LGSN: variants seen among roughly 807,000 people sequenced by gnomAD.
The protein encoded by LGSN is lengsin, lens protein with glutamine synthetase domain, also known as lengsin.
In LGSN, 21 loss-of-function variants were observed where a neutral mutation model predicts 19.5. The ratio of observed to expected loss-of-function variants is 1.07; its 90% CI spans 0.76 to 1.55. LGSN has a LOEUF of 1.55. Ranked by LOEUF, LGSN falls within the 40% of genes most tolerant of loss-of-function variation. LGSN has a pLI of 0.00. For missense variants in LGSN, 673 were observed against 608.5 expected, an observed-to-expected ratio of 1.11 and a Z score of -1.12; for synonymous variants, 257 against 215.6, an observed-to-expected ratio of 1.19 and a Z score of -1.68.
chr6:63,530,537 G>A, the LGSN span, among the ~76,000 whole-genome samples: 16 of 152,236 alleles, frequency 1.1e-4, no homozygotes, highest in African/African-American at 2.4e-4. Flanking sequence ...AGTGGACGCC[G>A]TTCACATAGG....
chr6:63,436,541 C>T, the LGSN span, among the ~76,000 whole-genome samples: 121 of 152,304 alleles, frequency 7.9e-4, no homozygotes, highest in Non-Finnish European at 1.1e-3. Flanking sequence ...ACCCTCCACC[C>T]CCAGCTTTGC....
chr6:63,288,368 C>T (rs952427929), intron 2 of LGSN, among the ~76,000 whole-genome samples: 1 of 151,588 alleles, frequency 6.6e-6, no homozygotes, highest in African/African-American at 2.4e-5. Flanking sequence ...GAGCCCTACC[C>T]TCATAGAACT....
At chr6:63,328,557 C>A in the LGSN span, among the ~76,000 whole-genome samples, 1 of 152,210 alleles carries the variant, frequency 6.6e-6, no homozygotes, top group Non-Finnish European at 1.5e-5. Context: ...ATGGCCACTG[C>A]TGCAACTACC....
At chr6:63,315,230 A>C (rs780569456) in intron 1 of LGSN, among the ~76,000 whole-genome samples, 83 of 152,196 alleles carry the variant, frequency 5.5e-4, no homozygotes, top group Admixed American at 2.2e-3. Flanking sequence ...GCCAGAAAGG[A>C]CATTTGACTC....
At chr6:63,516,542 C>A in the LGSN span, among the ~76,000 whole-genome samples, 1 of 152,186 alleles carries the variant, frequency 6.6e-6, no homozygotes, top group Admixed American at 6.5e-5. Context: ...CATTTAACTT[C>A]TTATGACTCA....
chr6:63,284,383 T>G (rs1245569451), intron 3 of LGSN, among the ~76,000 whole-genome samples: 1 of 152,176 alleles, frequency 6.6e-6, no homozygotes, highest in Non-Finnish European at 1.5e-5. Context: ...TCAGTAGCAG[T>G]TGGATAAAAA....
chr6:63,298,619 A>C (rs951579321), intron 1 of LGSN, among the ~76,000 whole-genome samples: 2 of 152,232 alleles, frequency 1.3e-5, no homozygotes, highest in African/African-American at 4.8e-5. Flanking sequence ...ATTTCTGATG[A>C]ACTGAGTGCT....
chr6:63,509,437 G>A, the LGSN span, among the ~76,000 whole-genome samples: 2 of 152,080 alleles, frequency 1.3e-5, no homozygotes, highest in South Asian at 2.1e-4. Context: ...CAATGAAATC[G>A]AGGATACAAA....
chr6:63,500,465 A>G, the LGSN span, among the ~76,000 whole-genome samples: 39 of 152,120 alleles, frequency 2.6e-4, 1 homozygote, highest in Admixed American at 2.4e-3. Flanking sequence ...CTTGTTGCCC[A>G]GGCTGGAGTG....
chr6:63,473,417 T>A, the LGSN span, among the ~76,000 whole-genome samples: 1 of 134,514 alleles, frequency 7.4e-6, no homozygotes, highest in South Asian at 2.3e-4. Context: ...GAGGTTGCAG[T>A]GAGCCGAGAT....
Position 63,305,787 on chromosome 6 carries a change from GGGGT to G in LGSN, c.31-10746_31-10743del, listed in dbSNP as rs1307417521. 2.6e-5 allele frequency among the ~76,000 whole-genome samples: 4 copies of G among 152,150 alleles called. No homozygotes were observed. The East Asian group carries it at 7.7e-4, about 29-fold the overall frequency. On this transcript the variant is annotated intron_variant, in intron 1 of 3. Transcript: ENST00000370657. ...TCTTTTAAATAATATCCAGCCAGGTGGGGTGGCTCACGCCTGTAATCCCAGAACT... is the reference window on the plus strand; with the variant it reads ...TCTTTTAAATAATATCCAGCCAGGTGGGCTCACGCCTGTAATCCCAGAACT...
the LGSN span, among the ~76,000 whole-genome samples, chr6:63,334,722 A>G: frequency 6.6e-6 from 1 of 152,250 alleles, no homozygotes; most frequent in Non-Finnish European, 1.5e-5. Context: ...TTACAAGTGT[A>G]TAGTAACCAA....
the LGSN span, among the ~76,000 whole-genome samples, chr6:63,566,145 A>G: frequency 6.6e-6 from 1 of 152,250 alleles, no homozygotes; most frequent in South Asian, 2.1e-4. Context: ...TAAAAGCAGC[A>G]GCAGGAGAAT....
At chr6:63,318,455 C>G (rs778805820) in intron 1 of LGSN, among the ~76,000 whole-genome samples, 1 of 152,128 alleles carries the variant, frequency 6.6e-6, no homozygotes, top group Non-Finnish European at 1.5e-5. Context: ...CCTGAGAATG[C>G]GAACCTATAC....
chr6:63,325,993 G>C, the LGSN span, among the ~76,000 whole-genome samples: 1 of 152,136 alleles, frequency 6.6e-6, no homozygotes, highest in Admixed American at 6.5e-5. Context: ...CGAGTGGTCT[G>C]TTTTGACAGG....
At chr6:63,285,533 T>C in intron 3 of LGSN, 54 bp downstream of exon 3, 2 of 1,378,356 alleles carry the variant, frequency 1.5e-6, no homozygotes, top group South Asian at 1.3e-5. Flanking sequence ...ATAAGAACTG[T>C]TTGCTTGCTA....
At chr6:63,438,614 TC>T in the LGSN span, among the ~76,000 whole-genome samples, 34 of 152,110 alleles carry the variant, frequency 2.2e-4, no homozygotes, top group African/African-American at 7.9e-4. Flanking sequence ...ATGCTCATCA[TC>T]ACTGGCCATC....
the LGSN span, among the ~76,000 whole-genome samples, chr6:63,528,261 G>C: frequency 6.6e-6 from 1 of 150,954 alleles, no homozygotes; most frequent in Non-Finnish European, 1.5e-5. Context: ...TAGATGACTT[G>C]AGCACACATA....
At chr6:63,431,949 A>G in the LGSN span, among the ~76,000 whole-genome samples, 8 of 150,792 alleles carry the variant, frequency 5.3e-5, no homozygotes, top group African/African-American at 2.0e-4. Flanking sequence ...GGTGGTGGGC[A>G]CCTATGGTCC....
Sources: allele counts gnomAD v4.1 joint callset (sites outside exome capture counted in the v4.1 genomes callset), GRCh38; gene constraint gnomAD v4.1.1; transcripts MANE v1.5; gene names NCBI Gene and HGNC (gene_info 2026-07-23, HGNC 2026-07-21).